ACSL3: variants seen among roughly 807,000 people sequenced by gnomAD.
ACSL3 encodes acyl-CoA synthetase long chain family member 3, also known as fatty acid CoA ligase Acsl3.
ACSL3 carries 34 observed loss-of-function variants against 84.7 expected under a neutral mutation model. The observed-to-expected ratio is 0.40, with a 90% CI of 0.31 to 0.53. The LOEUF is 0.53. Among genes scored for constraint, ACSL3 ranks in the 20% least tolerant of loss-of-function variants. ACSL3 has a pLI of 0.48. For synonymous variants in ACSL3, 315 were observed against 299.4 expected, an observed-to-expected ratio of 1.05 and a Z score of -0.54; for missense variants, 680 against 873.1, an observed-to-expected ratio of 0.78 and a Z score of 2.79.
chr2:222,916,260 G>A, intron 4 of ACSL3, 59 bp from the exon 5 acceptor site: 1 of 1,158,394 alleles, frequency 8.6e-7, no homozygotes, highest in Non-Finnish European at 1.2e-6. Context: ...CGATATTCTG[G>A]TTTCTTCTGT....
At position 222,908,791 on chromosome 2, in the gene ACSL3, T is replaced by G. The variant is rs749476167; in HGVS notation, c.19T>G (p.Ser7Ala). The change falls in exon 4 of 17, where the codon TCA becomes GCA. Residue 7 changes from serine to alanine, a missense_variant. Coordinates refer to ENST00000357430, the MANE Select transcript of ACSL3 (RefSeq NM_004457.5). Reference protein sequence around the residue: MNNHVSSKPSTMKLKHT... With the variant: MNNHVSAKPSTMKLKHT... Reference sequence around the variant, plus strand: ...AGTACTTATGAATAACCACGTGTCTTCAAAACCATCTACCATGAAGCTAAA... The same window carrying G: ...AGTACTTATGAATAACCACGTGTCTGCAAAACCATCTACCATGAAGCTAAA... 1 of 1,599,196 alleles carries G rather than the reference T, an allele frequency of 6.3e-7. No individual in the cohort carries two copies. Among genetic ancestry groups the G allele is most frequent in the South Asian group, 1.2e-5 (1 of 86,804 alleles).
At chr2:222,901,842 G>A (rs1696159443) in intron 3 of ACSL3, among the ~76,000 whole-genome samples, 1 of 151,112 alleles carries the variant, frequency 6.6e-6, no homozygotes. Flanking sequence ...CTACTCGGGA[G>A]GCTGAGGCAG....
intron 4 of ACSL3, among the ~76,000 whole-genome samples, 173 bp downstream of exon 4, chr2:222,909,323 T>C (rs185864273): frequency 5.8e-4 from 88 of 152,340 alleles, no homozygotes; most frequent in African/African-American, 2.0e-3. Context: ...AGCACTGATA[T>C]GTTCTGAGTT....
intron 1 of ACSL3, among the ~76,000 whole-genome samples, chr2:222,869,758 A>T (rs1420727023): frequency 6.6e-6 from 1 of 152,114 alleles, no homozygotes; most frequent in African/African-American, 2.4e-5. Context: ...AGTTTGGAAG[A>T]TTGGCAAATA....
chr2:222,866,240 G>A (rs147290770), intron 1 of ACSL3, among the ~76,000 whole-genome samples: 5,016 of 152,152 alleles, frequency 0.033, 294 homozygotes, highest in African/African-American at 0.11. Context: ...CCGCTTCCCG[G>A]GTTCACGCCA....
At position 222,861,069 on chromosome 2, in the gene ACSL3, T is replaced by G. The variant is rs1238978917; in HGVS notation, c.-396T>G. ...CTGTGGCTGCGCCGGGCTGCGACAC[T>G]GCAGTTGTCTACGCGGCCGGGGCCG... is the stretch of plus-strand genomic sequence containing the variant. On this transcript the variant is annotated 5_prime_UTR_variant, in exon 1 of 17. Coordinates refer to ENST00000357430, the MANE Select transcript of ACSL3 (RefSeq NM_004457.5). 1 of 152,218 alleles carries G rather than the reference T, an allele frequency of 6.6e-6. No individual in the cohort carries two copies. Among genetic ancestry groups the G allele is most frequent in the Non-Finnish European group, 1.5e-5 (1 of 68,066 alleles). 9.4% of individuals were successfully genotyped at this position (152,218 alleles called of 1,614,324 possible).
At chr2:222,868,839 G>T (rs137963032) in intron 1 of ACSL3, among the ~76,000 whole-genome samples, 5 of 151,880 alleles carry the variant, frequency 3.3e-5, no homozygotes, top group African/African-American at 4.8e-5. Flanking sequence ...GTGTGGTAGC[G>T]GGTGCCTGTA....
chr2:222,937,486 C>T lies in ACSL3; in HGVS notation c.2005+2799C>T, dbSNP rs971599084. ...TTTGCTTCATATATTTAGAAACACTCAAGTTACGCGTATATTTGTAATTGT... is the reference window on the plus strand; with the variant it reads ...TTTGCTTCATATATTTAGAAACACTTAAGTTACGCGTATATTTGTAATTGT... On this transcript the variant is annotated intron_variant, in intron 16 of 16. Transcript: ENST00000357430. Among the ~76,000 whole-genome samples the T allele has an allele frequency of 2.8e-4, 42 of 152,084 alleles. 1 individual carries two copies. The highest frequency in any genetic ancestry group is 2.4e-4 in the Non-Finnish European group (16 of 67,996).
chr2:222,929,837 A>C (rs1196865559), intron 13 of ACSL3, among the ~76,000 whole-genome samples: 1 of 152,068 alleles, frequency 6.6e-6, no homozygotes. Context: ...TATCTTTAGC[A>C]GAATTAGTGG....
chr2:222,872,232 C>G (rs1428432264), intron 1 of ACSL3, among the ~76,000 whole-genome samples: 1 of 152,172 alleles, frequency 6.6e-6, no homozygotes, highest in East Asian at 1.9e-4. Flanking sequence ...TCAAGTGATT[C>G]TCCTGCCTCA....
chr2:222,932,613 G>C (rs1427000372), intron 14 of ACSL3, among the ~76,000 whole-genome samples: 1 of 152,098 alleles, frequency 6.6e-6, no homozygotes, highest in East Asian at 1.9e-4. Context: ...ACAGACATGA[G>C]CCACTGGACC....
rs189530049 is a variant in ACSL3, at chr2:222,924,957, C to T, written c.1292+362C>T. Reference sequence around the variant, plus strand: ...AGGAGAATGGTGCGAACCCAGGAGGCGGAGCTTGCAGTGAGCCAAGATTGC... The same window carrying T: ...AGGAGAATGGTGCGAACCCAGGAGGTGGAGCTTGCAGTGAGCCAAGATTGC... On this transcript the variant is annotated intron_variant, in intron 11 of 16. Transcript: ENST00000357430. Among the ~76,000 whole-genome samples the T allele has an allele frequency of 6.3e-3, 943 of 150,854 alleles. 10 individuals carry two copies. Among genetic ancestry groups the T allele is most frequent in the African/African-American group, 0.022 (891 of 41,016 alleles).
intron 2 of ACSL3, among the ~76,000 whole-genome samples, chr2:222,891,378 A>G (rs570569642): frequency 7.2e-5 from 11 of 152,322 alleles, no homozygotes; most frequent in African/African-American, 2.4e-4. Context: ...TCTCTTAGTA[A>G]TTGGCAGCAG....
intron 1 of ACSL3, among the ~76,000 whole-genome samples, chr2:222,883,334 G>A (rs903992857): frequency 5.9e-5 from 9 of 151,948 alleles, no homozygotes; most frequent in East Asian, 1.9e-4. Context: ...ACAGGCATGC[G>A]CCACTATGCC....
chr2:222,922,774 C>G lies in ACSL3; in HGVS notation c.1023C>G (p.Val341=). The part of the protein sequence containing the change: ...AHVLELSAEL[V]CLSHGCRIGY... Reference sequence around the variant, plus strand: ...TTCTAGAATTAAGTGCTGAGCTTGTCTGTCTTTCTCACGGATGCCGCATTG... The same window carrying G: ...TTCTAGAATTAAGTGCTGAGCTTGTGTGTCTTTCTCACGGATGCCGCATTG... Residue 341 remains valine, a synonymous_variant, in exon 9 of 17, where the codon GTC becomes GTG. Coordinates refer to ENST00000357430, the MANE Select transcript of ACSL3 (RefSeq NM_004457.5). The G allele has an allele frequency of 1.2e-6, 2 of 1,614,206 alleles. No homozygotes were observed. The highest frequency in any genetic ancestry group is 1.7e-6 in the Non-Finnish European group (2 of 1,180,012).
At chr2:222,883,801 A>G (rs2100065) in intron 1 of ACSL3, among the ~76,000 whole-genome samples, 11,476 of 152,016 alleles carry the variant, frequency 0.075, 530 homozygotes, top group Middle Eastern at 0.13. Flanking sequence ...TCTATATTCT[A>G]CCCCTTGCTT....
intron 15 of ACSL3, 52 bp downstream of exon 15, chr2:222,933,332 G>T (rs931847178): frequency 1.1e-5 from 15 of 1,339,378 alleles, no homozygotes; most frequent in Non-Finnish European, 1.5e-5. Flanking sequence ...GATGTCCATA[G>T]ACATTTCCTA....
intron 3 of ACSL3, among the ~76,000 whole-genome samples, chr2:222,905,270 C>G (rs977513323): frequency 6.6e-6 from 1 of 152,138 alleles, no homozygotes; most frequent in Admixed American, 6.5e-5. Context: ...AGGTGATCCT[C>G]CCATCTCAGT....
chr2:222,883,283 C>T (rs1213049998), intron 1 of ACSL3, among the ~76,000 whole-genome samples: 1 of 151,262 alleles, frequency 6.6e-6, no homozygotes, highest in Admixed American at 6.6e-5. Context: ...CGGGTTCAAG[C>T]GATTCTACTG....
Sources: gnomAD v4.1 joint callset for allele counts (sites outside exome capture counted in the v4.1 genomes callset) on GRCh38, gnomAD v4.1.1 for gene constraint, MANE v1.5 for transcripts, NCBI Gene and HGNC (gene_info 2026-07-23, HGNC 2026-07-21) for gene names.